The following CYP4F11 variants were observed in gnomAD, a reference collection of about 807,000 sequenced individuals.
CYP4F11 encodes the protein cytochrome P450 4F11.
A neutral mutation model predicts 62.2 loss-of-function variants in CYP4F11; 79 were observed. The ratio of observed to expected loss-of-function variants is 1.27; its 90% CI spans 1.06 to 1.53. CYP4F11 has a LOEUF of 1.53. Among genes scored for constraint, CYP4F11 ranks in the 40% most tolerant of loss-of-function variants. The probability of loss-of-function intolerance (pLI) is 0.00; values close to 1 mark genes in which losing one functional copy is unlikely to be tolerated. For missense variants in CYP4F11, 777 were observed against 680.5 expected (o/e 1.14, Z -1.58); for synonymous variants, 290 against 263.7 (o/e 1.10, Z -0.97).
chr19:15,923,622 C>G (rs777990154), intron 6 of CYP4F11, among the ~76,000 whole-genome samples, 190 bp downstream of exon 6: 29 of 152,312 alleles, frequency 1.9e-4, no homozygotes, highest in East Asian at 3.9e-4. Context: ...AGGCTCCTCA[C>G]TATTTCAAAC....
rs986237025 is a variant in CYP4F11 at position 15,922,676 on chromosome 19, G to A, written c.919-246C>T. ...TGACCTATGGATATTTTCTTGTTTCGAATAATGAGGACTTTTGGAGTAAAG... is the reference window on the plus strand; with the variant it reads ...TGACCTATGGATATTTTCTTGTTTCAAATAATGAGGACTTTTGGAGTAAAG... On this transcript the variant is annotated intron_variant, in intron 6 of 11. Transcript: ENST00000402119. Among the ~76,000 whole-genome samples, 5 of 152,144 alleles carry A rather than the reference G, an allele frequency of 3.3e-5. No homozygotes were observed. In the South Asian group the frequency reaches 6.2e-4, roughly 19 times the overall value.
chr19:15,914,529 G>T, intron 10 of CYP4F11, 73 bp downstream of exon 10: 1 of 1,588,886 alleles, frequency 6.3e-7, no homozygotes, highest in Non-Finnish European at 8.6e-7. Context: ...GGATTTTCCT[G>T]GTCAAAACCC....
In CYP4F11 at chr19:15,933,123, A is replaced by G. The variant is rs368213698; in HGVS notation, c.198+1088T>C. On this transcript the variant is annotated intron_variant, in intron 1 of 11. Coordinates refer to ENST00000402119, the MANE Select transcript of CYP4F11 (RefSeq NM_021187.4). The stretch of plus-strand genomic sequence containing the variant: ...GAGTGAGGAGAGGAATGAGTGAGCG[A>G]GGAGAGGAATGAGTGAGCGGGGAGA... 6.8e-3 allele frequency among the ~76,000 whole-genome samples: 30 copies of G among 4,432 alleles called. 4 individuals are homozygous for G. Among genetic ancestry groups the G allele is most frequent in the African/African-American group, 0.019 (17 of 912 alleles). 2.9% of individuals were successfully genotyped at this position (4,432 alleles called of 152,430 possible).
At chr19:15,916,845 T>C (rs1454233106) in intron 8 of CYP4F11, among the ~76,000 whole-genome samples, 1 of 152,138 alleles carries the variant, frequency 6.6e-6, no homozygotes, top group African/African-American at 2.4e-5. Context: ...TAGTACAACC[T>C]CTGTGGAAAG....
At position 15,919,471 on chromosome 19, in the gene CYP4F11, TATAGATAGATAGATAGATAGATAG is replaced by T. The variant is rs3056072; in HGVS notation, c.1115+2542_1115+2565del. 2.6e-4 allele frequency among the ~76,000 whole-genome samples: 36 copies of T among 136,666 alleles called. 1 individual carries two copies. In the South Asian group the frequency reaches 2.8e-3, roughly 11 times the overall value. 89.7% of individuals were successfully genotyped at this position (136,666 alleles called of 152,430 possible). ...GGATGGATGAACGGATGGACAGATG[TATAGATAGATAGATAGATAGATAG>T]ATAGATAGATAGATAGATAGATAGA... On this transcript the variant is annotated intron_variant, in intron 8 of 11. Coordinates refer to ENST00000402119, the MANE Select transcript of CYP4F11 (RefSeq NM_021187.4).
At chr19:15,919,197 T>A (rs554124097) in intron 8 of CYP4F11, among the ~76,000 whole-genome samples, 1 of 148,076 alleles carries the variant, frequency 6.8e-6, no homozygotes, top group Non-Finnish European at 1.5e-5. Context: ...ATATATACAT[T>A]TCATTGACTC....
At chr19:15,919,525 C>T (rs372686103) in intron 8 of CYP4F11, among the ~76,000 whole-genome samples, 13 of 110,460 alleles carry the variant, frequency 1.2e-4, no homozygotes, top group Middle Eastern at 4.8e-3. Context: ...GATAGATAGA[C>T]AGATAGATAA....
rs563840158 is a variant in CYP4F11 at position 15,913,544 on chromosome 19, G to A, written c.*188C>T. On this transcript the variant is annotated 3_prime_UTR_variant, in exon 12 of 12. Transcript: ENST00000402119. ...CCCACTAAGGGCCTAGATGCCCTGT[G>A]CTCAGCCAGAGAGGCCGTCAGGGTT... The A allele has an allele frequency of 4.4e-5, 30 of 688,400 alleles. No homozygotes were observed. The East Asian group carries it at 7.3e-4, about 17-fold the overall frequency. 42.6% of individuals were successfully genotyped at this position (688,400 alleles called of 1,614,324 possible). A position where few individuals can be genotyped will look rare whatever the true frequency, so the allele number is the denominator to read the frequency against.
In CYP4F11 at chr19:15,927,268, A is replaced by T; in HGVS notation, c.469T>A (p.Phe157Ile). Residue 157 changes from phenylalanine (F) to isoleucine (I), a missense_variant, in exon 4 of 12, where the codon TTC becomes ATC. Physicochemically the swap from Phe to Ile is conservative, Grantham distance 21 (BLOSUM62 0). Coordinates refer to ENST00000402119, the MANE Select transcript of CYP4F11 (RefSeq NM_021187.4). ...HRRMLTPAFH[F>I]NILKPYMKIF... ...TTCATATAAGGCTTCAAGATGTTGAAATGGAAGGCAGGCGTCAACATCCGA... is the reference window on the plus strand; with the variant it reads ...TTCATATAAGGCTTCAAGATGTTGATATGGAAGGCAGGCGTCAACATCCGA... 2 of 1,614,140 alleles carry T rather than the reference A, an allele frequency of 1.2e-6. No homozygotes were observed. Among genetic ancestry groups the T allele is most frequent in the Non-Finnish European group, 1.7e-6 (2 of 1,180,022 alleles).
In CYP4F11 at chr19:15,914,780, C is replaced by T. The variant is rs1294622238; in HGVS notation, c.1231G>A (p.Gly411Ser). The change falls in exon 9 of 12, where the codon GGC (glycine) becomes AGC (serine). Residue 411 changes from glycine (G) to serine (S), a missense_variant. Physicochemically the swap from Gly to Ser is moderately conservative, Grantham distance 56. Coordinates refer to ENST00000402119, the MANE Select transcript of CYP4F11 (RefSeq NM_021187.4). The part of the protein sequence containing the change: ...CCTQDFVLPD[G>S]RVIPKGIVCL... Reference sequence around the variant, plus strand: ...TGAGCACCTTTGGGGATGACGCGGCCGTCTGGGAGCACAAAGTCCTGCGTG... The same window carrying T: ...TGAGCACCTTTGGGGATGACGCGGCTGTCTGGGAGCACAAAGTCCTGCGTG... The T allele has an allele frequency of 5.6e-6, 9 of 1,614,012 alleles. No homozygotes were observed. Among genetic ancestry groups the T allele is most frequent in the Admixed American group, 5.0e-5 (3 of 59,998 alleles).
In CYP4F11 at chr19:15,923,940, G is replaced by A. The variant is rs747987380; in HGVS notation, c.790C>T (p.His264Tyr). 1.9e-6 allele frequency: 3 copies of A among 1,614,192 alleles called. No individual in the cohort carries two copies. The highest frequency in any genetic ancestry group is 2.5e-6 in the Non-Finnish European group (3 of 1,180,032). ...QRFRRACHLV[H>Y]DFTDAVIQER... Reference sequence around the variant, plus strand: ...TGGATGACGGCATCTGTGAAGTCGTGCACCAGGTGGCAGGCCCTGCGGAAG... The same window carrying A: ...TGGATGACGGCATCTGTGAAGTCGTACACCAGGTGGCAGGCCCTGCGGAAG... The change falls in exon 6 of 12, where the codon CAC becomes TAC. Residue 264 changes from histidine to tyrosine, a missense_variant. Physicochemically the swap from His to Tyr is moderately conservative, Grantham distance 83. Transcript: ENST00000402119.
At chr19:15,920,310 T>A (rs1341456921) in intron 8 of CYP4F11, among the ~76,000 whole-genome samples, 2 of 152,198 alleles carry the variant, frequency 1.3e-5, no homozygotes, top group Non-Finnish European at 2.9e-5. Context: ...CCTGTGTCTA[T>A]TTTATGTACT....
rs1294622238 is a variant in CYP4F11 at position 15,914,780 on chromosome 19, C to G, written c.1231G>C (p.Gly411Arg). The change falls in exon 9 of 12, where the codon GGC becomes CGC. Residue 411 changes from glycine (G) to arginine (R), a missense_variant. By Grantham distance (125) the Gly-to-Arg change is moderately radical (BLOSUM62 -2). Coordinates refer to ENST00000402119, the MANE Select transcript of CYP4F11 (RefSeq NM_021187.4). ...TGAGCACCTTTGGGGATGACGCGGC[C>G]GTCTGGGAGCACAAAGTCCTGCGTG... ...CCTQDFVLPD[G>R]RVIPKGIVCL... is the part of the protein sequence containing the mutation. The G allele has an allele frequency of 1.2e-6, 2 of 1,614,014 alleles. No homozygotes were observed. The highest frequency in any genetic ancestry group is 1.3e-5 in the African/African-American group (1 of 74,908).
intron 8 of CYP4F11, among the ~76,000 whole-genome samples, chr19:15,919,930 A>T (rs1331797286): frequency 6.6e-6 from 1 of 152,200 alleles, no homozygotes; most frequent in Non-Finnish European, 1.5e-5. Flanking sequence ...AGGGAGGAAG[A>T]AAGAACAGGA....
chr19:15,914,256 C>A (rs751813821), intron 11 of CYP4F11, 49 bp downstream of exon 11: 1 of 1,591,604 alleles, frequency 6.3e-7, no homozygotes, highest in Non-Finnish European at 8.6e-7. Flanking sequence ...CCTTTTTGGA[C>A]CCCTGCACCC....
Position 15,913,890 on chromosome 19 carries a change from A to T in CYP4F11, c.1417T>A (p.Phe473Ile). 1.9e-6 allele frequency: 3 copies of T among 1,613,576 alleles called. No individual in the cohort carries two copies. Among genetic ancestry groups the T allele is most frequent in the Non-Finnish European group, 2.5e-6 (3 of 1,179,762 alleles). ...ACCACCTTCATCTCAGCCATGGCGA[A>T]CGCCTGCCCGATGCAGTTTCTGGGG... ...AGPRNCIGQA[F>I]AMAEMKVVLA... Residue 473 changes from phenylalanine (F) to isoleucine (I), a missense_variant, in exon 12 of 12, where the codon TTC becomes ATC. By Grantham distance (21) the Phe-to-Ile change is conservative. Transcript: ENST00000402119.
chr19:15,923,559 T>C (rs1312970912), intron 6 of CYP4F11, among the ~76,000 whole-genome samples: 1 of 152,174 alleles, frequency 6.6e-6, no homozygotes, highest in African/African-American at 2.4e-5. Flanking sequence ...TAGATAGATA[T>C]GCATAAAAAT....
At chr19:15,922,267 G>A in intron 7 of CYP4F11, 97 bp downstream of exon 7, 2 of 1,602,006 alleles carry the variant, frequency 1.2e-6, no homozygotes, top group Non-Finnish European at 1.7e-6. Flanking sequence ...TAGGGAGGAG[G>A]AGGATGGGCA....
rs776179634 is a variant in CYP4F11, at chr19:15,913,942, C to G, written c.1398-33G>C. The G allele has an allele frequency of 2.5e-6, 4 of 1,586,988 alleles. No individual in the cohort carries two copies. In the African/African-American group the frequency reaches 4.0e-5, roughly 16 times the overall value. ...CAAAAGTGAGGGAATCTGACTGTGC[C>G]CATGACCCCCATCCCGGCCCCATCA... On this transcript the variant is annotated intron_variant, in intron 11 of 11. Transcript: ENST00000402119.
Sources: gnomAD v4.1 joint callset for allele counts (sites outside exome capture counted in the v4.1 genomes callset) on GRCh38, gnomAD v4.1.1 for gene constraint, MANE v1.5 for transcripts, NCBI Gene and HGNC (gene_info 2026-07-23, HGNC 2026-07-21) for gene names.